The following NCALD variants were observed in gnomAD, a reference collection of about 807,000 sequenced individuals.
NCALD encodes neurocalcin-delta.
Under a neutral mutation model 18.6 loss-of-function variants are expected in NCALD, and 10 were observed. The observed-to-expected ratio is 0.54, with a 90% CI of 0.33 to 0.91. The LOEUF is 0.91. Ranked by LOEUF, NCALD falls within the 40% of genes least tolerant of loss-of-function variation. The probability of loss-of-function intolerance (pLI) is 0.03; values close to 1 mark genes in which losing one functional copy is unlikely to be tolerated. For missense variants in NCALD, 184 were observed against 247.6 expected, an observed-to-expected ratio of 0.74 and a Z score of 1.72; for synonymous variants, 88 against 87.4, an observed-to-expected ratio of 1.01 and a Z score of -0.04.
chr8:102,085,996 C>T (rs949402837), intron 1 of NCALD, among the ~76,000 whole-genome samples: 1 of 151,918 alleles, frequency 6.6e-6, no homozygotes, highest in Non-Finnish European at 1.5e-5. Context: ...ATCTTTTTTC[C>T]TGACATTTTT....
chr8:102,002,522 C>A (rs1172401977), intron 2 of NCALD, among the ~76,000 whole-genome samples: 2 of 152,204 alleles, frequency 1.3e-5, no homozygotes, highest in East Asian at 1.9e-4. Context: ...CTGCACCAAG[C>A]AGACCTAATA....
chr8:101,737,542 C>T (rs7844599), intron 1 of NCALD, among the ~76,000 whole-genome samples: 93,313 of 152,200 alleles, frequency 0.61, 31,261 homozygotes, highest in Non-Finnish European at 0.75. Context: ...TTGGAGTCAC[C>T]AAACTCCTCA....
chr8:102,001,510 C>T (rs1330165177), intron 2 of NCALD, among the ~76,000 whole-genome samples: 4 of 152,146 alleles, frequency 2.6e-5, no homozygotes, highest in African/African-American at 9.7e-5. Context: ...CATTCAAATT[C>T]AGGAAATACA....
In NCALD at chr8:101,961,566, G is replaced by A. The variant is rs76632363; in HGVS notation, c.-156-45708C>T. Among the ~76,000 whole-genome samples, 568 of 152,124 alleles carry A rather than the reference G, an allele frequency of 3.7e-3. 3 individuals carry two copies. Among genetic ancestry groups the A allele is most frequent in the Non-Finnish European group, 6.6e-3 (447 of 67,978 alleles). On this transcript the variant is annotated intron_variant, in intron 2 of 6. Transcript: ENST00000311028. ...GAAAGGCTGACTGTGGTACTGCTGG[G>A]GTATTTTGGATCTGGTGTCCATTTG...
rs565766013 is a variant in NCALD, at chr8:101,692,034, T to A, written c.484+757A>T. 2.6e-5 allele frequency: 25 copies of A among 979,426 alleles called. No individual in the cohort carries two copies. In the East Asian group the frequency reaches 4.6e-4, roughly 18 times the overall value. 60.7% of individuals were successfully genotyped at this position (979,426 alleles called of 1,614,324 possible). A position where few individuals can be genotyped will look rare whatever the true frequency, so the allele number is the denominator to read the frequency against. ...TGCCCCGTTAACTTTGAATTTCAGA[T>A]AAACAGCAAGTGACTTTTTTAGTTG... On this transcript the variant is annotated intron_variant, in intron 3 of 3. Coordinates refer to ENST00000220931, the MANE Select transcript of NCALD (RefSeq NM_032041.3).
intron 2 of NCALD, among the ~76,000 whole-genome samples, chr8:101,928,740 C>A (rs1346613701): frequency 6.6e-6 from 1 of 152,044 alleles, no homozygotes; most frequent in Non-Finnish European, 1.5e-5. Context: ...CCTCTTGCAA[C>A]TTTTCTCTAA....
At chr8:102,074,922 C>G (rs147668083) in intron 1 of NCALD, among the ~76,000 whole-genome samples, 3 of 152,260 alleles carry the variant, frequency 2.0e-5, no homozygotes, top group Admixed American at 2.0e-4. Context: ...CTTTGTTGTA[C>G]TGCTCCATCA....
intron 1 of NCALD, among the ~76,000 whole-genome samples, chr8:101,732,025 G>A (rs746184094): frequency 2.0e-5 from 3 of 152,134 alleles, no homozygotes; most frequent in Non-Finnish European, 4.4e-5. Flanking sequence ...TGCCTGTTTT[G>A]GCTGCCTTGG....
intron 1 of NCALD, among the ~76,000 whole-genome samples, chr8:101,783,178 C>T (rs1258902569): frequency 2.6e-5 from 4 of 152,056 alleles, no homozygotes; most frequent in Non-Finnish European, 5.9e-5. Context: ...TTAACAAATG[C>T]TGAATGAATA....
intron 2 of NCALD, among the ~76,000 whole-genome samples, chr8:101,991,959 T>A (rs969170517): frequency 6.6e-6 from 1 of 152,206 alleles, no homozygotes; most frequent in Non-Finnish European, 1.5e-5. Flanking sequence ...GCACAGCTAG[T>A]TTTTTCTTCT....
chr8:101,974,218 A>G (rs1820340102), intron 2 of NCALD, among the ~76,000 whole-genome samples: 1 of 152,210 alleles, frequency 6.6e-6, no homozygotes, highest in Non-Finnish European at 1.5e-5. Context: ...CATTTCATTG[A>G]AAGTAATGGC....
At chr8:102,119,621 T>A (rs1354109710) in intron 1 of NCALD, among the ~76,000 whole-genome samples, 2 of 152,210 alleles carry the variant, frequency 1.3e-5, no homozygotes, top group African/African-American at 4.8e-5. Flanking sequence ...TCAAGAAATA[T>A]TTATTGCTTG....
At chr8:102,033,140 A>C (rs1269704) in intron 1 of NCALD, among the ~76,000 whole-genome samples, 2 of 151,888 alleles carry the variant, frequency 1.3e-5, no homozygotes, top group Non-Finnish European at 2.9e-5. Context: ...ACCCCTCAAG[A>C]CATCACTTCT....
Position 101,762,279 on chromosome 8 carries a change from A to G in NCALD, c.-20+28583T>C, listed in dbSNP as rs74790910. ...ATCATAATACAAAGATCTAGCTAAT[A>G]AAAATTCCATTTTGCTCTGGTGAGA... On this transcript the variant is annotated intron_variant, in intron 1 of 3. Transcript: ENST00000220931. Among the ~76,000 whole-genome samples, 10 of 152,302 alleles carry G rather than the reference A, an allele frequency of 6.6e-5. No homozygotes were observed. In the East Asian group the frequency reaches 1.9e-3, roughly 29 times the overall value.
At chr8:101,927,794 C>G (rs1228244350) in intron 2 of NCALD, among the ~76,000 whole-genome samples, 2 of 152,112 alleles carry the variant, frequency 1.3e-5, no homozygotes, top group African/African-American at 4.8e-5. Flanking sequence ...GTGGGGCATC[C>G]AATCCCAGAC....
chr8:101,759,646 G>A (rs1333523691), intron 1 of NCALD, among the ~76,000 whole-genome samples: 1 of 152,078 alleles, frequency 6.6e-6, no homozygotes. Context: ...GGGGGCCAAG[G>A]AACAGGGAAC....
At chr8:101,802,195 C>T (rs187648342) in intron 4 of NCALD, among the ~76,000 whole-genome samples, 4 of 152,074 alleles carry the variant, frequency 2.6e-5, no homozygotes, top group African/African-American at 7.2e-5. Flanking sequence ...TAATCTTTGA[C>T]GTTACTTTTG....
At chr8:101,731,238 T>A (rs1816819555) in intron 1 of NCALD, among the ~76,000 whole-genome samples, 1 of 152,126 alleles carries the variant, frequency 6.6e-6, no homozygotes, top group African/African-American at 2.4e-5. Context: ...GTCAGCACCA[T>A]CATGCGGGGC....
chr8:101,953,683 A>T (rs545735691), intron 2 of NCALD, among the ~76,000 whole-genome samples: 1 of 152,356 alleles, frequency 6.6e-6, no homozygotes, highest in South Asian at 2.1e-4. Context: ...ATGGAAGGAG[A>T]GTAACTTAGG....
Sources: allele counts gnomAD v4.1 joint callset (sites outside exome capture counted in the v4.1 genomes callset), GRCh38; gene constraint gnomAD v4.1.1; transcripts MANE v1.5; gene names NCBI Gene and HGNC (gene_info 2026-07-23, HGNC 2026-07-21).